The following MAML3 variants were observed in gnomAD, a reference collection of about 807,000 sequenced individuals.
The protein encoded by MAML3 is mastermind-like protein 3.
Under a neutral mutation model 101.9 loss-of-function variants are expected in MAML3, and 27 were observed. The observed-to-expected ratio is 0.27, with a 90% confidence interval of 0.20 to 0.37. The LOEUF is 0.37. Ranked by LOEUF, MAML3 falls within the 10% of genes least tolerant of loss-of-function variation. MAML3 has a pLI of 1.00. For synonymous variants in MAML3, 501 were observed against 555.9 expected (o/e 0.90, Z 1.39); for missense variants, 1,316 against 1,444.9 (o/e 0.91, Z 1.45).
intron 1 of MAML3, among the ~76,000 whole-genome samples, chr4:140,116,773 A>G (rs1465232464): frequency 6.6e-6 from 1 of 152,248 alleles, no homozygotes; most frequent in Non-Finnish European, 1.5e-5. Flanking sequence ...AATGAATGGT[A>G]ACACTTACCT....
intron 1 of MAML3, among the ~76,000 whole-genome samples, chr4:139,902,245 ACG>A: frequency 2.0e-5 from 2 of 100,872 alleles, no homozygotes; most frequent in Non-Finnish European, 4.5e-5. Flanking sequence ...GCAGGCGCGC[ACG>A]CACACGCACA....
At chr4:139,804,649 C>CT (rs1460301728) in intron 2 of MAML3, among the ~76,000 whole-genome samples, 4 of 152,176 alleles carry the variant, frequency 2.6e-5, no homozygotes, top group Non-Finnish European at 5.9e-5. Flanking sequence ...TGCTTATACT[C>CT]TAAAATTCTA....
At chr4:139,837,150 G>GA (rs371397735) in intron 2 of MAML3, among the ~76,000 whole-genome samples, 1,623 of 139,016 alleles carry the variant, frequency 0.012, 33 homozygotes, top group African/African-American at 0.04. Context: ...GAAAAGAAAA[G>GA]AAAAAAAAAG....
At chr4:140,034,920 C>T (rs973072019) in intron 1 of MAML3, among the ~76,000 whole-genome samples, 2 of 152,214 alleles carry the variant, frequency 1.3e-5, no homozygotes, top group African/African-American at 4.8e-5. Context: ...CACTGGGAAA[C>T]AGTTACCAGA....
rs1484135964 is a variant in MAML3 at position 140,153,152 on chromosome 4, C to T, written c.176G>A (p.Gly59Asp). The T allele has an allele frequency of 1.9e-6, 3 of 1,550,262 alleles. No homozygotes were observed. Among genetic ancestry groups the T allele is most frequent in the Non-Finnish European group, 2.6e-6 (3 of 1,146,850 alleles). Residue 59 changes from glycine (G) to aspartate (D), a missense_variant, in exon 1 of 5, where the codon GGC becomes GAC. Gly to Asp is a moderately conservative substitution (Grantham distance 94). Transcript: ENST00000509479. Reference sequence around the variant, plus strand: ...AACGGCCGCCGAACCGCCGCCGGGGCCCCCGGAGCCGCCGCATCCACCGGC... The same window carrying T: ...AACGGCCGCCGAACCGCCGCCGGGGTCCCCGGAGCCGCCGCATCCACCGGC... ...PAAGGCGGSG[G>D]PGGGSAAVPK...
At chr4:140,136,432 G>C (rs911278797) in intron 1 of MAML3, among the ~76,000 whole-genome samples, 1 of 152,102 alleles carries the variant, frequency 6.6e-6, no homozygotes, top group African/African-American at 2.4e-5. Context: ...TTAACCCAGG[G>C]AGAAAGGGCC....
At chr4:139,875,816 G>C (rs36128679) in intron 2 of MAML3, among the ~76,000 whole-genome samples, 3,308 of 151,448 alleles carry the variant, frequency 0.022, 119 homozygotes, top group African/African-American at 0.076. Flanking sequence ...TCCAGAGCCT[G>C]GCCAGGCGGA....
intron 2 of MAML3, among the ~76,000 whole-genome samples, chr4:139,850,665 C>G (rs889095875): frequency 1.3e-5 from 2 of 151,910 alleles, no homozygotes; most frequent in Non-Finnish European, 2.9e-5. Context: ...CTCAGCCTCC[C>G]GAGTAGCTGG....
intron 2 of MAML3, among the ~76,000 whole-genome samples, chr4:139,825,578 G>A (rs912318706): frequency 6.6e-6 from 1 of 152,168 alleles, no homozygotes; most frequent in Non-Finnish European, 1.5e-5. Flanking sequence ...ACCCTCGGCC[G>A]CAGGCAGCCA....
At chr4:139,964,166 C>T (rs895829743) in intron 1 of MAML3, among the ~76,000 whole-genome samples, 2 of 152,184 alleles carry the variant, frequency 1.3e-5, no homozygotes, top group African/African-American at 4.8e-5. Flanking sequence ...CTATTTACAA[C>T]AGCAAAGACA....
chr4:139,836,795 A>G (rs983730921), intron 2 of MAML3, among the ~76,000 whole-genome samples: 3 of 152,178 alleles, frequency 2.0e-5, no homozygotes, highest in Non-Finnish European at 2.9e-5. Context: ...CTTAGACAGT[A>G]TGAGAAACTT....
chr4:139,759,515 T>C (rs951514794), intron 2 of MAML3, among the ~76,000 whole-genome samples: 5 of 152,212 alleles, frequency 3.3e-5, no homozygotes, highest in African/African-American at 4.8e-5. Flanking sequence ...GTAGTCCTGC[T>C]CTAGGTGTGG....
At chr4:139,876,209 G>A (rs1255469948) in intron 2 of MAML3, among the ~76,000 whole-genome samples, 3 of 152,086 alleles carry the variant, frequency 2.0e-5, no homozygotes, top group African/African-American at 7.2e-5. Flanking sequence ...TAAATATACT[G>A]GGTTAAATAA....
At chr4:139,814,025 A>ACACACAC (rs1730851144) in intron 2 of MAML3, among the ~76,000 whole-genome samples, 4 of 145,030 alleles carry the variant, frequency 2.8e-5, no homozygotes, top group Admixed American at 7.0e-5. Flanking sequence ...CACAAACACA[A>ACACACAC]ACACACACAC....
chr4:139,889,638 C>T lies in MAML3; in HGVS notation c.1798G>A (p.Gly600Ser). The change falls in exon 2 of 5, where the codon GGC becomes AGC. Residue 600 changes from glycine to serine, a missense_variant. Transcript: ENST00000509479. ...LNKQHNILTYGNTKPLTHFNA... is the reference protein window; with the variant it reads ...LNKQHNILTYSNTKPLTHFNA... ...AAGTGGGTCAGGGGTTTAGTGTTGCCATAAGTCAGAATATTGTGCTGTTTG... is the reference window on the plus strand; with the variant it reads ...AAGTGGGTCAGGGGTTTAGTGTTGCTATAAGTCAGAATATTGTGCTGTTTG... The T allele has an allele frequency of 2.5e-6, 4 of 1,613,954 alleles. No homozygotes were observed. The highest frequency in any genetic ancestry group is 3.4e-6 in the Non-Finnish European group (4 of 1,179,886).
chr4:139,824,846 C>G (rs1197053571), intron 2 of MAML3, among the ~76,000 whole-genome samples: 3 of 152,074 alleles, frequency 2.0e-5, no homozygotes, highest in Non-Finnish European at 4.4e-5. Flanking sequence ...ACTTACCACC[C>G]CCGCCCCAGC....
chr4:140,035,254 A>G (rs1166327733), intron 1 of MAML3, among the ~76,000 whole-genome samples: 3 of 152,140 alleles, frequency 2.0e-5, no homozygotes, highest in African/African-American at 7.2e-5. Flanking sequence ...GATTAGAAGT[A>G]TGAGCCACCA....
intron 1 of MAML3, among the ~76,000 whole-genome samples, chr4:139,964,650 GT>G (rs1734092021): frequency 6.6e-6 from 1 of 151,822 alleles, no homozygotes; most frequent in Non-Finnish European, 1.5e-5. Context: ...TCTCCACCAG[GT>G]TTTTTACTCC....
chr4:139,838,669 G>T (rs1731303607), intron 2 of MAML3, among the ~76,000 whole-genome samples: 1 of 152,100 alleles, frequency 6.6e-6, no homozygotes, highest in African/African-American at 2.4e-5. Flanking sequence ...TAAATTGGTT[G>T]CACTGTCCAA....
Sources: allele counts gnomAD v4.1 joint callset (sites outside exome capture counted in the v4.1 genomes callset), GRCh38; gene constraint gnomAD v4.1.1; transcripts MANE v1.5; gene names NCBI Gene and HGNC (gene_info 2026-07-23, HGNC 2026-07-21).